Variants in PTGR2 observed in about 807,000 individuals in gnomAD.
The protein encoded by PTGR2 is 15-oxoprostaglandin 13-reductase.
Under a neutral mutation model 43.4 loss-of-function variants are expected in PTGR2, and 32 were observed. That is an observed-to-expected ratio of 0.74 (90% CI 0.56 to 0.99). The LOEUF (loss-of-function observed/expected upper bound fraction) is 0.99. PTGR2 is among the 50% of genes least tolerant of loss of function. The pLI is 0.00. For synonymous variants in PTGR2, 106 were observed against 139.2 expected (o/e 0.76, Z 1.68); for missense variants, 373 against 420.0 (o/e 0.89, Z 0.98).
intron 1 of PTGR2, 35 bp from the exon 2 acceptor site, chr14:73,858,781 C>A: frequency 2.8e-6 from 3 of 1,067,724 alleles, no homozygotes; most frequent in Non-Finnish European, 4.1e-6. Context: ...TTGAATACTT[C>A]AAATCTTGTG....
chr14:73,867,235 A>G (rs887561784), intron 3 of PTGR2, among the ~76,000 whole-genome samples: 3 of 152,020 alleles, frequency 2.0e-5, no homozygotes, highest in Non-Finnish European at 4.4e-5. Context: ...TAGAATCTCT[A>G]CTGTCAGCTT....
intron 2 of PTGR2, 107 bp downstream of exon 2, chr14:73,859,006 T>C (rs1039863635): frequency 3.4e-5 from 27 of 805,008 alleles, no homozygotes; most frequent in Non-Finnish European, 4.1e-6. Flanking sequence ...GGTAGTAAGA[T>C]ATTGACACTA....
chr14:73,880,195 C>T lies in PTGR2; in HGVS notation c.851+19C>T, dbSNP rs1208839870. On this transcript the variant is annotated intron_variant, in intron 7 of 9. Transcript: ENST00000555661. ...TCACAAGGTGTGTTCTTCCTCTTTG[C>T]CCTTATTACCAGGTTCATGGGGTTT... 3 of 1,612,434 alleles carry T rather than the reference C, an allele frequency of 1.9e-6. No individual in the cohort carries two copies. Among genetic ancestry groups the T allele is most frequent in the Non-Finnish European group, 2.5e-6 (3 of 1,178,854 alleles).
intron 1 of PTGR2, among the ~76,000 whole-genome samples, chr14:73,856,735 T>C (rs766034783): frequency 6.6e-6 from 1 of 152,208 alleles, no homozygotes; most frequent in Non-Finnish European, 1.5e-5. Flanking sequence ...ACCATGTAGG[T>C]TTGTGTAAGT....
rs533099685 is a variant in PTGR2 at position 73,882,668 on chromosome 14, T to G, written c.979+230T>G. On this transcript the variant is annotated intron_variant, in intron 9 of 9. Coordinates refer to ENST00000555661, the MANE Select transcript of PTGR2 (RefSeq NM_001146154.2). The stretch of plus-strand genomic sequence containing the variant: ...GGCGCCTGCCACCACGCCTGGCTAA[T>G]TTTTTGTATTTTTAGTAGAGACGGG... Among the ~76,000 whole-genome samples the G allele has an allele frequency of 2.7e-4, 41 of 151,352 alleles. 1 individual carries two copies. Among genetic ancestry groups the G allele is most frequent in the African/African-American group, 9.7e-4 (40 of 41,240 alleles).
rs1346425166 is a variant in PTGR2 at position 73,871,693 on chromosome 14, A to T, written c.157-2330A>T. Among the ~76,000 whole-genome samples, 5 of 152,088 alleles carry T rather than the reference A, an allele frequency of 3.3e-5. No individual in the cohort carries two copies. In the East Asian group the frequency reaches 9.7e-4, roughly 29 times the overall value. On this transcript the variant is annotated intron_variant, in intron 3 of 9. Transcript: ENST00000555661. ...ATAGTGTCACAGTTGAACTGAATGG[A>T]ATTAGGGGACACCCAGTTGATGTCC... is the stretch of plus-strand genomic sequence containing the variant.
chr14:73,864,797 A>G (rs1488204857), intron 3 of PTGR2, among the ~76,000 whole-genome samples: 1 of 152,148 alleles, frequency 6.6e-6, no homozygotes, highest in Non-Finnish European at 1.5e-5. Flanking sequence ...TTTAATTTTG[A>G]TAAAGTCCGA....
chr14:73,863,067 T>G (rs1311474644), intron 3 of PTGR2, among the ~76,000 whole-genome samples: 2 of 152,156 alleles, frequency 1.3e-5, no homozygotes, highest in Non-Finnish European at 2.9e-5. Context: ...TTTACTCACT[T>G]AAAGAGTACA....
rs561998656 is a variant in PTGR2, at chr14:73,854,511, C to T, written c.-48+2568C>T. Among the ~76,000 whole-genome samples, 3 of 152,228 alleles carry T rather than the reference C, an allele frequency of 2.0e-5. No homozygotes were observed. In the South Asian group the frequency reaches 6.2e-4, roughly 32 times the overall value. On this transcript the variant is annotated intron_variant, in intron 1 of 9. Transcript: ENST00000555661. ...CACTTGAAAAGTTTCTAATTTAATG[C>T]AGAGTGAGAGAACTTTAATAGTATA...
At chr14:73,869,456 G>A (rs966486485) in intron 3 of PTGR2, among the ~76,000 whole-genome samples, 1 of 149,864 alleles carries the variant, frequency 6.7e-6, no homozygotes, top group African/African-American at 2.5e-5. Context: ...CGGGAGGTGG[G>A]AGGATCACTT....
chr14:73,879,342 C>T (rs778958172), intron 6 of PTGR2, 37 bp downstream of exon 6: 7 of 1,557,754 alleles, frequency 4.5e-6, no homozygotes, highest in African/African-American at 4.1e-5. Flanking sequence ...TTGAATACTG[C>T]ACTTTATATG....
intron 1 of PTGR2, among the ~76,000 whole-genome samples, chr14:73,855,076 AG>A (rs1297543330): frequency 6.6e-6 from 1 of 152,248 alleles, no homozygotes; most frequent in Non-Finnish European, 1.5e-5. Flanking sequence ...AATAAATGGA[AG>A]GGAGACTCAA....
At chr14:73,876,176 G>A (rs114937819) in intron 4 of PTGR2, among the ~76,000 whole-genome samples, 2,550 of 152,188 alleles carry the variant, frequency 0.017, 69 homozygotes, top group African/African-American at 0.058. Flanking sequence ...TACAAATAAA[G>A]TATAGAATTT....
chr14:73,860,526 C>G lies in PTGR2; in HGVS notation c.38-13C>G. 1 of 1,313,660 alleles carries G rather than the reference C, an allele frequency of 7.6e-7. No individual in the cohort carries two copies. The allele number at this position is 1,313,660 out of a possible 1,614,324, so 81.4% of individuals were successfully genotyped here. On this transcript the variant is annotated splice_polypyrimidine_tract_variant and intron_variant, in intron 2 of 9. Transcript: ENST00000555661. ...GGCTTTTTTTAACTTTATATTTTTGCATAATATTTTAGGAAAAAATGGTAA... is the reference window on the plus strand; with the variant it reads ...GGCTTTTTTTAACTTTATATTTTTGGATAATATTTTAGGAAAAAATGGTAA...
chr14:73,857,241 T>TTTG (rs1555350263), intron 1 of PTGR2, among the ~76,000 whole-genome samples: 2 of 151,584 alleles, frequency 1.3e-5, no homozygotes, highest in Admixed American at 6.6e-5. Context: ...AATTTCCGTT[T>TTTG]TTTTTTTTTT....
chr14:73,863,475 C>T lies in PTGR2; in HGVS notation c.156+2818C>T, dbSNP rs114115766. ...GACCATAGGTGTGTGCCACCATGCC[C>T]GGCTAATTAAAATTTTTTAAAAAAA... On this transcript the variant is annotated intron_variant, in intron 3 of 9. Coordinates refer to ENST00000555661, the MANE Select transcript of PTGR2 (RefSeq NM_001146154.2). Among the ~76,000 whole-genome samples the T allele has an allele frequency of 8.8e-3, 1,330 of 151,814 alleles. 22 individuals are homozygous for T. Among genetic ancestry groups the T allele is most frequent in the African/African-American group, 0.031 (1,288 of 41,380 alleles).
intron 7 of PTGR2, among the ~76,000 whole-genome samples, 154 bp from the exon 8 acceptor site, chr14:73,881,051 C>A (rs1054812837): frequency 5.9e-5 from 9 of 152,100 alleles, no homozygotes; most frequent in Non-Finnish European, 1.2e-4. Flanking sequence ...TACATTTACA[C>A]CTGTAACTAT....
At position 73,857,630 on chromosome 14, in the gene PTGR2, A is replaced by AT. The variant is rs1286563856; in HGVS notation, c.-47-1179dup. Among the ~76,000 whole-genome samples, 6 of 106,888 alleles carry AT rather than the reference A, an allele frequency of 5.6e-5. No individual in the cohort carries two copies. The East Asian group carries it at 1.4e-3, about 24-fold the overall frequency. 70.1% of individuals were successfully genotyped at this position (106,888 alleles called of 152,430 possible). A position where few individuals can be genotyped will look rare whatever the true frequency, so the allele number is the denominator to read the frequency against. ...TTCTGTCCCCCACTCCAAAAAAAAA[A>AT]TTTTTTTGATTACATGTCAATTAAG... On this transcript the variant is annotated intron_variant, in intron 1 of 9. Transcript: ENST00000555661.
chr14:73,880,498 C>T (rs1200312489), intron 7 of PTGR2, among the ~76,000 whole-genome samples: 1 of 150,970 alleles, frequency 6.6e-6, no homozygotes, highest in East Asian at 2.0e-4. Flanking sequence ...TCACTTGAAC[C>T]TGGGAGGTGG....
Sources: allele counts gnomAD v4.1 joint callset (sites outside exome capture counted in the v4.1 genomes callset), GRCh38; gene constraint gnomAD v4.1.1; transcripts MANE v1.5; gene names NCBI Gene and HGNC (gene_info 2026-07-23, HGNC 2026-07-21).